Variants in BACH2 observed in about 807,000 individuals in gnomAD.
BACH2 encodes the protein transcription regulator protein BACH2.
In BACH2, 5 loss-of-function variants were observed where a neutral mutation model predicts 61.8. That is an observed-to-expected ratio of 0.08 (90% confidence interval 0.04 to 0.17). BACH2 has a LOEUF of 0.17. BACH2 is among the 10% of genes least tolerant of loss of function. BACH2 has a pLI of 1.00. For missense variants in BACH2, 824 were observed against 1,091.1 expected (o/e 0.76, Z 3.45); for synonymous variants, 446 against 440.1 (o/e 1.01, Z -0.17).
At chr6:89,960,366 G>T (rs1325622232) in intron 6 of BACH2, among the ~76,000 whole-genome samples, 1 of 152,186 alleles carries the variant, frequency 6.6e-6, no homozygotes, top group Admixed American at 6.5e-5. Context: ...TCTTCCGACC[G>T]CAGAGTTCAA....
Position 89,950,083 on chromosome 6 carries a change from G to A in BACH2, c.1836+187C>T, listed in dbSNP as rs1010586628. On this transcript the variant is annotated intron_variant, in intron 7 of 8. Transcript: ENST00000257749. The surrounding 1 kb of genome is among the most constrained non-coding windows in gnomAD (Gnocchi z 5.3). ...AGATCAAATATCAAGTGCTTTTCTA[G>A]GACAGAAGTGGTTAATGTGGAATCA... The A allele has an allele frequency of 7.3e-6, 5 of 686,840 alleles. No individual in the cohort carries two copies. Among genetic ancestry groups the A allele is most frequent in the African/African-American group, 7.1e-5 (4 of 56,374 alleles). 42.5% of individuals were successfully genotyped at this position (686,840 alleles called of 1,614,324 possible). A position where few individuals can be genotyped will look rare whatever the true frequency, so the allele number is the denominator to read the frequency against.
In BACH2 at chr6:89,926,587, A is replaced by C. The variant is rs1405866225; in HGVS notation, c.*5821T>G. 6.5e-6 allele frequency: 1 copy of C among 152,824 alleles called. No individual in the cohort carries two copies. The highest frequency in any genetic ancestry group is 2.4e-5 in the African/African-American group (1 of 41,462). 9.5% of individuals were successfully genotyped at this position (152,824 alleles called of 1,614,324 possible). A position where few individuals can be genotyped will look rare whatever the true frequency, so the allele number is the denominator to read the frequency against. On this transcript the variant is annotated 3_prime_UTR_variant, in exon 9 of 9. Coordinates refer to ENST00000257749, the MANE Select transcript of BACH2 (RefSeq NM_021813.4). Reference sequence around the variant, plus strand: ...CATCAACAGAAATGGTGTCTAGACAAAATTCAGTTAACACTAGCAATTCAA... The same window carrying C: ...CATCAACAGAAATGGTGTCTAGACACAATTCAGTTAACACTAGCAATTCAA...
chr6:89,964,442 T>C (rs906733633), intron 6 of BACH2, among the ~76,000 whole-genome samples: 1 of 152,198 alleles, frequency 6.6e-6, no homozygotes, highest in Non-Finnish European at 1.5e-5. Context: ...GTAAATTTTA[T>C]GTTATTTTTT....
At chr6:90,069,824 G>T (rs1781139392) in intron 5 of BACH2, among the ~76,000 whole-genome samples, 1 of 152,198 alleles carries the variant, frequency 6.6e-6, no homozygotes, top group African/African-American at 2.4e-5. Flanking sequence ...AGCAGAGGAG[G>T]AAGGAAGAAG....
At chr6:89,977,778 A>G (rs1246282466) in intron 6 of BACH2, among the ~76,000 whole-genome samples, 21 of 152,230 alleles carry the variant, frequency 1.4e-4, no homozygotes, top group Non-Finnish European at 4.4e-5. Context: ...AAAATTACAC[A>G]GCAGTGTCAG....
rs1203834121 is a variant in BACH2, at chr6:89,950,607, C to A, written c.1499G>T (p.Cys500Phe). 6.2e-7 allele frequency: 1 copy of A among 1,613,474 alleles called. No individual in the cohort carries two copies. Residue 500 changes from cysteine to phenylalanine, a missense_variant, in exon 7 of 9, where the codon TGC becomes TTC. Around this residue, in one of 8 missense-constraint regions of BACH2, gnomAD observed 102 missense variants for 98.1 expected, o/e 1.04. Coordinates refer to ENST00000257749, the MANE Select transcript of BACH2 (RefSeq NM_021813.4). The surrounding 1 kb of genome is among the most constrained non-coding windows in gnomAD (Gnocchi z 5.3). ...AGGGCAGACTTTGATTGGTACCGGG[C>A]AGCTGGTGTTGGGCCGCATCCTTCC... Reference protein sequence around the residue: ...LPGRMRPNTSCPVPIKVCPRS... With the variant: ...LPGRMRPNTSFPVPIKVCPRS...
At chr6:90,071,896 G>C (rs1445540923) in intron 5 of BACH2, among the ~76,000 whole-genome samples, 1 of 152,146 alleles carries the variant, frequency 6.6e-6, no homozygotes, top group Non-Finnish European at 1.5e-5. Context: ...TCCTAAGTGA[G>C]AGTGGATCAT....
At chr6:90,078,998 T>C (rs1440155494) in intron 5 of BACH2, among the ~76,000 whole-genome samples, 1 of 152,160 alleles carries the variant, frequency 6.6e-6, no homozygotes, top group Non-Finnish European at 1.5e-5. Flanking sequence ...TCAGAACACT[T>C]GCAGACATTC....
At position 89,932,297 on chromosome 6, in the gene BACH2, G is replaced by C. The variant is rs996940769; in HGVS notation, c.*111C>G. The C allele has an allele frequency of 7.2e-7, 1 of 1,393,748 alleles. No individual in the cohort carries two copies. Among genetic ancestry groups the C allele is most frequent in the Non-Finnish European group, 9.8e-7 (1 of 1,016,168 alleles). 86.3% of individuals were successfully genotyped at this position (1,393,748 alleles called of 1,614,324 possible). A position where few individuals can be genotyped will look rare whatever the true frequency, so the allele number is the denominator to read the frequency against. ...ATTGCTGCTAAGACCGCTGTAGTGTGCACCAAATGTGTTCTCGGTTTCTTC... is the reference window on the plus strand; with the variant it reads ...ATTGCTGCTAAGACCGCTGTAGTGTCCACCAAATGTGTTCTCGGTTTCTTC... On this transcript the variant is annotated 3_prime_UTR_variant, in exon 9 of 9. Coordinates refer to ENST00000257749, the MANE Select transcript of BACH2 (RefSeq NM_021813.4).
intron 5 of BACH2, among the ~76,000 whole-genome samples, chr6:90,046,921 A>ATTTCTTTCTTTCTTTCTTTCTTTC (rs71556551): frequency 1.3e-5 from 2 of 150,380 alleles, no homozygotes; most frequent in African/African-American, 4.9e-5. Context: ...TGCCCATGTA[A>ATTTCTTTCTTTCTTTCTTTCTTTC]TTTCTTTCTT....
chr6:90,153,327 T>C (rs1692698966), intron 4 of BACH2, among the ~76,000 whole-genome samples: 1 of 152,202 alleles, frequency 6.6e-6, no homozygotes. Flanking sequence ...ACTGTATATC[T>C]AAGATCCAGA....
chr6:90,159,482 C>T (rs1388959037), intron 4 of BACH2, among the ~76,000 whole-genome samples: 1 of 152,328 alleles, frequency 6.6e-6, no homozygotes, highest in African/African-American at 2.4e-5. Context: ...ATAGACTACA[C>T]AAATCCCTTT....
intron 4 of BACH2, among the ~76,000 whole-genome samples, chr6:90,172,809 T>A (rs1767861568): frequency 6.6e-6 from 1 of 152,016 alleles, no homozygotes; most frequent in South Asian, 2.1e-4. Context: ...AAGAAAATAG[T>A]AAATACATGA....
chr6:90,080,469 C>G (rs1307334137), intron 5 of BACH2, among the ~76,000 whole-genome samples: 2 of 152,024 alleles, frequency 1.3e-5, no homozygotes, highest in Non-Finnish European at 2.9e-5. Flanking sequence ...TTAGAGATAA[C>G]CATCTTGACG....
chr6:90,105,834 T>C (rs1478985690), intron 4 of BACH2, among the ~76,000 whole-genome samples: 1 of 152,226 alleles, frequency 6.6e-6, no homozygotes, highest in Non-Finnish European at 1.5e-5. Flanking sequence ...ACTGAATTTT[T>C]AGACCTTAAA....
intron 5 of BACH2, among the ~76,000 whole-genome samples, chr6:90,029,815 TA>T (rs1778860447): frequency 6.6e-6 from 1 of 152,178 alleles, no homozygotes; most frequent in Admixed American, 6.5e-5. Context: ...TCGCCTTGCC[TA>T]TCCATTTATC....
At chr6:90,257,942 A>AT (rs1771036641) in intron 2 of BACH2, among the ~76,000 whole-genome samples, 1 of 151,922 alleles carries the variant, frequency 6.6e-6, no homozygotes, top group African/African-American at 2.4e-5. Context: ...CACCCAGCTA[A>AT]TTTTTGTATT....
intron 2 of BACH2, among the ~76,000 whole-genome samples, chr6:90,256,265 A>C (rs1173955877): frequency 6.6e-6 from 1 of 152,172 alleles, no homozygotes; most frequent in Non-Finnish European, 1.5e-5. Context: ...CCTCCTTTGC[A>C]GCTAGTTGGT....
At chr6:90,226,456 T>C (rs893928124) in intron 3 of BACH2, among the ~76,000 whole-genome samples, 3 of 152,176 alleles carry the variant, frequency 2.0e-5, no homozygotes, top group African/African-American at 7.2e-5. Context: ...TCTCCCACCA[T>C]GGCTGATTTC....
Sources: gnomAD v4.1 joint callset for allele counts (sites outside exome capture counted in the v4.1 genomes callset) on GRCh38, gnomAD v4.1.1 for gene constraint, gnomAD v4.1.1 regional missense constraint, Gnocchi (gnomAD v3.1) non-coding constraint, MANE v1.5 for transcripts, NCBI Gene and HGNC (gene_info 2026-07-23, HGNC 2026-07-21) for gene names.